Variants in TMEM229B observed in about 807,000 individuals in gnomAD.
TMEM229B encodes the protein transmembrane protein 229B, also known as chromosome 14 open reading frame 83.
Under a neutral mutation model 13.7 loss-of-function variants are expected in TMEM229B, and 6 were observed. The observed-to-expected ratio is 0.44, with a 90% CI of 0.24 to 0.86. The LOEUF is 0.86. TMEM229B is among the 40% of genes least tolerant of loss of function. TMEM229B has a pLI of 0.23. For synonymous variants in TMEM229B, 107 were observed against 102.1 expected, an observed-to-expected ratio of 1.05 and a Z score of -0.29; for missense variants, 170 against 236.0, an observed-to-expected ratio of 0.72 and a Z score of 1.83.
chr14:67,511,421 C>G (rs1260774469), intron 1 of TMEM229B, among the ~76,000 whole-genome samples: 4 of 152,106 alleles, frequency 2.6e-5, no homozygotes, highest in Non-Finnish European at 5.9e-5. Context: ...TCTGAGGACC[C>G]GAGACCTGTC....
chr14:67,479,785 G>A (rs2031472943), intron 2 of TMEM229B, among the ~76,000 whole-genome samples: 1 of 152,156 alleles, frequency 6.6e-6, no homozygotes, highest in African/African-American at 2.4e-5. Flanking sequence ...GTGTATAGAA[G>A]GTGTTCAATG....
At chr14:67,508,765 A>AAAAAAAAAAAAAAAAAAAAAAAAAAC (rs1566698826) in intron 1 of TMEM229B, among the ~76,000 whole-genome samples, 1 of 150,592 alleles carries the variant, frequency 6.6e-6, no homozygotes, top group Non-Finnish European at 1.5e-5. Context: ...AAAAAAAAAA[A>AAAAAAAAAAAAAAAAAAAAAAAAAAC]AAAAAACAGA....
At chr14:67,499,285 T>C (rs1440072289) in intron 1 of TMEM229B, among the ~76,000 whole-genome samples, 1 of 152,226 alleles carries the variant, frequency 6.6e-6, no homozygotes, top group Non-Finnish European at 1.5e-5. Flanking sequence ...ATTATAAGTA[T>C]GGGCCACTGT....
rs941480226 is a variant in TMEM229B, at chr14:67,470,837, C to T, written c.*2583G>A. On this transcript the variant is annotated 3_prime_UTR_variant, in exon 3 of 3. Transcript: ENST00000554480. ...GCTGCCATGTCTAGTGGAGAGAGGC[C>T]CAGGACACCAGAGGTTCATGAACAG... 6.6e-6 allele frequency: 1 copy of T among 152,560 alleles called. No homozygotes were observed. Among genetic ancestry groups the T allele is most frequent in the African/African-American group, 2.4e-5 (1 of 41,376 alleles). The allele number at this position is 152,560 out of a possible 1,614,324, so 9.5% of individuals were successfully genotyped here.
intron 1 of TMEM229B, among the ~76,000 whole-genome samples, chr14:67,528,079 A>G (rs1035287409): frequency 9.2e-5 from 14 of 152,166 alleles, no homozygotes; most frequent in African/African-American, 3.4e-4. Context: ...CAGCTCTGAG[A>G]TGGGCTGGTG....
intron 1 of TMEM229B, among the ~76,000 whole-genome samples, chr14:67,524,521 C>G (rs2033338335): frequency 6.6e-6 from 1 of 152,240 alleles, no homozygotes; most frequent in Admixed American, 6.5e-5. Flanking sequence ...CCACTCCCAC[C>G]CAGAACCTCC....
At chr14:67,505,850 C>A (rs961194418) in intron 1 of TMEM229B, among the ~76,000 whole-genome samples, 5 of 152,098 alleles carry the variant, frequency 3.3e-5, no homozygotes, top group African/African-American at 9.7e-5. Context: ...CAGGCGCCCG[C>A]CACCATGCCT....
intron 1 of TMEM229B, among the ~76,000 whole-genome samples, chr14:67,527,753 C>T (rs142112902): frequency 6.6e-6 from 1 of 152,330 alleles, no homozygotes; most frequent in Non-Finnish European, 1.5e-5. Context: ...CACGAAGGTC[C>T]TGCTTCTATT....
intron 2 of TMEM229B, among the ~76,000 whole-genome samples, chr14:67,474,914 C>CTTTTTTTTTTTTTTTTTTTTTTTTTTT (rs71129825): frequency 8.0e-6 from 1 of 124,958 alleles, no homozygotes. Flanking sequence ...GAATTTCCTT[C>CTTTTTTTTTTTTTTTTTTTTTTTTTTT]TTTTTTTTTT....
At chr14:67,481,966 A>G (rs1412357406) in intron 2 of TMEM229B, among the ~76,000 whole-genome samples, 1 of 152,258 alleles carries the variant, frequency 6.6e-6, no homozygotes, top group Admixed American at 6.5e-5. Flanking sequence ...GGAGAGTGTG[A>G]GCAAGGTTGA....
chr14:67,510,428 T>A (rs1290069438), intron 1 of TMEM229B, among the ~76,000 whole-genome samples: 1 of 152,148 alleles, frequency 6.6e-6, no homozygotes, highest in South Asian at 2.1e-4. Flanking sequence ...GGGTATCTGA[T>A]CACATCCAAG....
chr14:67,473,999 T>A lies in TMEM229B; in HGVS notation c.-18-58A>T, dbSNP rs2030991475. On this transcript the variant is annotated intron_variant, in intron 2 of 2. Transcript: ENST00000554480. The surrounding 1 kb of genome is among the most constrained non-coding windows in gnomAD (Gnocchi z 6.5). ...CGGGCGCGGTGGCTCACGCCTATAATCCCTGCGCTTTGGGAGGCCGAGGCG... is the reference window on the plus strand; with the variant it reads ...CGGGCGCGGTGGCTCACGCCTATAAACCCTGCGCTTTGGGAGGCCGAGGCG... The A allele has an allele frequency of 6.8e-7, 1 of 1,467,912 alleles. No individual in the cohort carries two copies. The highest frequency in any genetic ancestry group is 1.4e-5 in the African/African-American group (1 of 70,620). 90.9% of individuals were successfully genotyped at this position (1,467,912 alleles called of 1,614,324 possible).
At chr14:67,526,825 T>C (rs1011087002) in intron 1 of TMEM229B, among the ~76,000 whole-genome samples, 1 of 151,786 alleles carries the variant, frequency 6.6e-6, no homozygotes, top group Non-Finnish European at 1.5e-5. Context: ...GCTTCCATAC[T>C]GAGGGCAGGT....
In TMEM229B at chr14:67,514,369, A is replaced by G. The variant is rs994752025; in HGVS notation, c.-192+717T>C. ...CAATGTCTCCCTGCCCTTGCCAGGA[A>G]CCGGGCTGTAACACTCCCCATCCCA... is the stretch of plus-strand genomic sequence containing the variant. On this transcript the variant is annotated intron_variant, in intron 1 of 2. Transcript: ENST00000357461. 2.0e-5 allele frequency among the ~76,000 whole-genome samples: 3 copies of G among 152,122 alleles called. No homozygotes were observed. In the East Asian group the frequency reaches 5.8e-4, roughly 29 times the overall value.
rs1368985495 is a variant in TMEM229B, at chr14:67,514,342, G to T, written c.-192+744C>A. On this transcript the variant is annotated intron_variant, in intron 1 of 2. Transcript: ENST00000357461. ...GGAAAGGAAGATACCTGGGAAAGAGGCCAATGTCTCCCTGCCCTTGCCAGG... is the reference window on the plus strand; with the variant it reads ...GGAAAGGAAGATACCTGGGAAAGAGTCCAATGTCTCCCTGCCCTTGCCAGG... Among the ~76,000 whole-genome samples the T allele has an allele frequency of 2.6e-5, 4 of 152,096 alleles. No individual in the cohort carries two copies. In the East Asian group the frequency reaches 7.7e-4, roughly 29 times the overall value.
intron 2 of TMEM229B, among the ~76,000 whole-genome samples, 180 bp from the exon 3 acceptor site, chr14:67,474,121 C>G (rs1187372236): frequency 6.6e-6 from 1 of 152,090 alleles, no homozygotes; most frequent in African/African-American, 2.4e-5. Flanking sequence ...GCGTGGTGGC[C>G]CGCTCCTGTA....
In TMEM229B at chr14:67,473,483, G is replaced by T; in HGVS notation, c.441C>A (p.Asp147Glu). The change falls in exon 3 of 3, where the codon GAC becomes GAA. Residue 147 changes from aspartate (D) to glutamate (E), a missense_variant. Asp to Glu is a conservative substitution (Grantham distance 45). Coordinates refer to ENST00000554480, the MANE Select transcript of TMEM229B (RefSeq NM_001348543.2). This position sits in a 1 kb window ranked among gnomAD's most constrained non-coding sequence, Gnocchi z 6.5. ...CGCCGCTGGGCTCCCCGGGCTCAGCGTCCTTGTCGAAGCGGAGGCGGAGGG... is the reference window on the plus strand; with the variant it reads ...CGCCGCTGGGCTCCCCGGGCTCAGCTTCCTTGTCGAAGCGGAGGCGGAGGG... Reference protein sequence around the residue: ...RNTLRLRFDKDAEPGEPSGAL... With the variant: ...RNTLRLRFDKEAEPGEPSGAL... 7.4e-6 allele frequency: 12 copies of T among 1,614,208 alleles called. No homozygotes were observed. Among genetic ancestry groups the T allele is most frequent in the Non-Finnish European group, 1.0e-5 (12 of 1,180,036 alleles).
chr14:67,503,252 C>T (rs1376998177), intron 1 of TMEM229B, among the ~76,000 whole-genome samples: 1 of 152,184 alleles, frequency 6.6e-6, no homozygotes, highest in African/African-American at 2.4e-5. Flanking sequence ...CAGAGATGGT[C>T]TCTGGCTTCT....
At chr14:67,523,071 T>A (rs1248953650) in intron 1 of TMEM229B, among the ~76,000 whole-genome samples, 1 of 152,100 alleles carries the variant, frequency 6.6e-6, no homozygotes, top group Non-Finnish European at 1.5e-5. Flanking sequence ...ATGCCTATAA[T>A]CCCAGCACTT....
Sources: allele counts gnomAD v4.1 joint callset (sites outside exome capture counted in the v4.1 genomes callset), GRCh38; gene constraint gnomAD v4.1.1; non-coding constraint Gnocchi (gnomAD v3.1); transcripts MANE v1.5; gene names NCBI Gene and HGNC (gene_info 2026-07-23, HGNC 2026-07-21).